CHIC2: variants seen among roughly 807,000 people sequenced by gnomAD.
The protein encoded by CHIC2 is cysteine-rich hydrophobic domain-containing protein 2.
CHIC2 carries 14 observed loss-of-function variants against 25.9 expected under a neutral mutation model. That is an observed-to-expected ratio of 0.54 (90% CI 0.36 to 0.85). The LOEUF is 0.85. CHIC2 is among the 40% of genes least tolerant of loss of function. CHIC2 has a pLI of 0.01. For missense variants in CHIC2, 146 were observed against 202.0 expected, an observed-to-expected ratio of 0.72 and a Z score of 1.68; for synonymous variants, 70 against 72.0, an observed-to-expected ratio of 0.97 and a Z score of 0.14.
intron 3 of CHIC2, 49 bp downstream of exon 3, chr4:54,048,906 C>T: frequency 7.1e-7 from 1 of 1,412,992 alleles, no homozygotes; most frequent in Non-Finnish European, 9.4e-7. Flanking sequence ...AAATGCAAGA[C>T]TTGCTTGTCC....
At chr4:54,029,305 G>C (rs918409464) in intron 3 of CHIC2, among the ~76,000 whole-genome samples, 3 of 151,994 alleles carry the variant, frequency 2.0e-5, no homozygotes, top group African/African-American at 7.3e-5. Flanking sequence ...CTGTACATTA[G>C]AACAGTATAA....
chr4:54,064,923 T>C (rs1401329361), upstream of CHIC2, among the ~76,000 whole-genome samples: 1 of 152,206 alleles, frequency 6.6e-6, no homozygotes, highest in Non-Finnish European at 1.5e-5. This position sits in a 1 kb window ranked among gnomAD's most constrained non-coding sequence, Gnocchi z 4.2. Context: ...CAGCTTGGAA[T>C]GTCCAGTGGG....
In CHIC2 at chr4:54,062,161, C is replaced by T. The variant is rs758674804; in HGVS notation, c.119+2021G>A. Among the ~76,000 whole-genome samples the T allele has an allele frequency of 4.3e-4, 66 of 152,138 alleles. No homozygotes were observed. The Middle Eastern group carries it at 0.01, about 24-fold the overall frequency. On this transcript the variant is annotated intron_variant, in intron 1 of 5. Coordinates refer to ENST00000263921, the MANE Select transcript of CHIC2 (RefSeq NM_012110.4). Reference sequence around the variant, plus strand: ...AGGAAGTAGCTGAGATAGATTTTAACCCAGAGCCTAGAACCAAGATAAATG... The same window carrying T: ...AGGAAGTAGCTGAGATAGATTTTAATCCAGAGCCTAGAACCAAGATAAATG...
chr4:54,010,231 G>A (rs1485164996), intron 5 of CHIC2, 86 bp from the exon 6 acceptor site: 2 of 931,194 alleles, frequency 2.1e-6, no homozygotes, highest in Admixed American at 2.3e-5. Context: ...CAATTTTTTT[G>A]AAAATCCATT....
chr4:54,026,711 A>G (rs971883482), intron 3 of CHIC2, among the ~76,000 whole-genome samples: 3 of 152,050 alleles, frequency 2.0e-5, no homozygotes, highest in African/African-American at 7.3e-5. Flanking sequence ...CTAGTATGCC[A>G]AACTCTGACA....
intron 3 of CHIC2, among the ~76,000 whole-genome samples, chr4:54,022,269 G>A (rs1157556777): frequency 6.6e-6 from 1 of 152,164 alleles, no homozygotes; most frequent in Non-Finnish European, 1.5e-5. Context: ...TCTCAGCTTA[G>A]TGGCTGAAGA....
At position 54,064,580 on chromosome 4, in the gene CHIC2, C is replaced by CAG; in HGVS notation, c.-281_-280insCT. On this transcript the variant is annotated 5_prime_UTR_variant, in exon 1 of 6. Transcript: ENST00000263921. This position sits in a 1 kb window ranked among gnomAD's most constrained non-coding sequence, Gnocchi z 4.2. ...ACAAGCACAGACGCCGCTGCCGCCG[C>CAG]CGCAGCAGCAGCAACTCAGGAAACC... The CAG allele has an allele frequency of 8.0e-7, 1 of 1,256,446 alleles. No individual in the cohort carries two copies. Among genetic ancestry groups the CAG allele is most frequent in the South Asian group, 2.0e-5 (1 of 51,152 alleles). The allele number at this position is 1,256,446 out of a possible 1,614,324, so 77.8% of individuals were successfully genotyped here.
At position 54,040,258 on chromosome 4, in the gene CHIC2, C is replaced by T. The variant is rs578244119; in HGVS notation, c.330+8697G>A. On this transcript the variant is annotated intron_variant, in intron 3 of 5. Transcript: ENST00000263921. ...TAAGAAAAAAGGCAATTTGGAAGGT[C>T]TAAAAAATAATCAAAATAACAGAAC... Among the ~76,000 whole-genome samples, 9 of 152,226 alleles carry T rather than the reference C, an allele frequency of 5.9e-5. No homozygotes were observed. In the South Asian group the frequency reaches 1.7e-3, roughly 28 times the overall value.
At chr4:54,067,695 G>A (rs932661173), upstream of CHIC2, among the ~76,000 whole-genome samples, 1 of 152,096 alleles carries the variant, frequency 6.6e-6, no homozygotes, top group Admixed American at 6.5e-5. Context: ...AACCAAACTG[G>A]ATAATGTCAG....
At chr4:54,040,432 T>G (rs1716528565) in intron 3 of CHIC2, among the ~76,000 whole-genome samples, 1 of 151,582 alleles carries the variant, frequency 6.6e-6, no homozygotes, top group South Asian at 2.1e-4. Context: ...CCGAGCACGG[T>G]GGCTCACACC....
chr4:54,044,850 G>A (rs1431809778), intron 3 of CHIC2, among the ~76,000 whole-genome samples: 1 of 152,088 alleles, frequency 6.6e-6, no homozygotes, highest in African/African-American at 2.4e-5. Context: ...AAAAATCAAT[G>A]AATCCAGGAG....
intron 5 of CHIC2, among the ~76,000 whole-genome samples, chr4:54,011,510 T>G (rs577702556): frequency 6.6e-6 from 1 of 152,266 alleles, no homozygotes; most frequent in South Asian, 2.1e-4. Flanking sequence ...GCTTTAAAAT[T>G]TGACAATTAA....
chr4:54,075,373 T>C, the CHIC2 span, among the ~76,000 whole-genome samples: 2 of 152,146 alleles, frequency 1.3e-5, no homozygotes, highest in African/African-American at 2.4e-5. Context: ...AACTTAGTCT[T>C]GGAGAAACAA....
chr4:54,057,646 T>C (rs571437498), intron 1 of CHIC2, among the ~76,000 whole-genome samples: 2 of 152,344 alleles, frequency 1.3e-5, no homozygotes, highest in African/African-American at 4.8e-5. Flanking sequence ...TGTGTTTCAT[T>C]TTGGGTTTCA....
rs1479976034 is a variant in CHIC2 at position 54,030,537 on chromosome 4, A to AT, written c.331-16419_331-16418insA. On this transcript the variant is annotated intron_variant, in intron 3 of 5. Transcript: ENST00000263921. ...CTATCTCAAAAGAAAAAAAAAAAAA[A>AT]ATATATATATATATGTATACACACA... Among the ~76,000 whole-genome samples the AT allele has an allele frequency of 6.1e-3, 854 of 139,748 alleles. 1 individual carries two copies. The highest frequency in any genetic ancestry group is 0.011 in the East Asian group (56 of 4,970). The allele number at this position is 139,748 out of a possible 152,430, so 91.7% of individuals were successfully genotyped here. A position where few individuals can be genotyped will look rare whatever the true frequency, so the allele number is the denominator to read the frequency against.
At chr4:54,038,820 G>A (rs539516095) in intron 3 of CHIC2, among the ~76,000 whole-genome samples, 2 of 152,012 alleles carry the variant, frequency 1.3e-5, no homozygotes, top group African/African-American at 4.8e-5. Context: ...CCAGGAGTTC[G>A]AGACCAACCT....
chr4:54,087,681 C>A, the CHIC2 span: 1 of 542,534 alleles, frequency 1.8e-6, no homozygotes, highest in East Asian at 3.1e-5. Context: ...TATTGTTGGG[C>A]CATTTGCATG....
chr4:54,062,329 TTTTATTTA>T (rs59288511), intron 1 of CHIC2, among the ~76,000 whole-genome samples: 36 of 151,334 alleles, frequency 2.4e-4, no homozygotes, highest in Non-Finnish European at 4.6e-4. Context: ...ACCTGTGAGA[TTTTATTTA>T]TTTATTTATT....
the CHIC2 span, among the ~76,000 whole-genome samples, chr4:54,084,343 C>G: frequency 1.3e-5 from 2 of 152,088 alleles, no homozygotes; most frequent in Non-Finnish European, 2.9e-5. Context: ...AGCCATTATT[C>G]TGATAAGTTT....
Sources: allele counts gnomAD v4.1 joint callset (sites outside exome capture counted in the v4.1 genomes callset), GRCh38; gene constraint gnomAD v4.1.1; non-coding constraint Gnocchi (gnomAD v3.1); transcripts MANE v1.5; gene names NCBI Gene and HGNC (gene_info 2026-07-23, HGNC 2026-07-21).